The following MAP2K3 variants were observed in gnomAD, a reference collection of about 807,000 sequenced individuals.
The protein encoded by MAP2K3 is dual specificity mitogen-activated protein kinase kinase 3.
MAP2K3 carries 30 observed loss-of-function variants against 46.4 expected under a neutral mutation model. That is an observed-to-expected ratio of 0.65 (90% CI 0.48 to 0.88). The LOEUF (loss-of-function observed/expected upper bound fraction) is 0.88, where lower values mean the gene tolerates loss of function less well. MAP2K3 is among the 40% of genes least tolerant of loss of function. The probability of loss-of-function intolerance (pLI) is 0.00; values close to 1 mark genes in which losing one functional copy is unlikely to be tolerated. For missense variants in MAP2K3, 380 were observed against 464.5 expected, an observed-to-expected ratio of 0.82 and a Z score of 1.67; for synonymous variants, 189 against 176.3, an observed-to-expected ratio of 1.07 and a Z score of -0.57.
chr17:21,300,962 C>T lies in MAP2K3; in HGVS notation c.368C>T (p.Thr123Ile), dbSNP rs1367510527. 5.6e-6 allele frequency: 9 copies of T among 1,614,048 alleles called. No individual in the cohort carries two copies. In the Admixed American group the frequency reaches 1.2e-4, roughly 21 times the overall value. Residue 123 changes from threonine (T) to isoleucine (I), a missense_variant, in exon 5 of 12, where the codon ACT becomes ATT. Coordinates refer to ENST00000342679, the MANE Select transcript of MAP2K3 (RefSeq NM_145109.3). ...INMRTVDCFY[T>I]VTFYGALFRE... Reference sequence around the variant, plus strand: ...ATGCGCACGGTCGACTGTTTCTACACTGTCACCTTCTACGGGGCACTATTC... The same window carrying T: ...ATGCGCACGGTCGACTGTTTCTACATTGTCACCTTCTACGGGGCACTATTC...
At chr17:21,297,191 G>A (rs3785542) in intron 1 of MAP2K3, among the ~76,000 whole-genome samples, 1 of 150,140 alleles carries the variant, frequency 6.7e-6, no homozygotes. Context: ...GCGTGGCTCT[G>A]AGATGGGGCC....
intron 1 of MAP2K3, among the ~76,000 whole-genome samples, chr17:21,289,186 C>T (rs1373350978): frequency 1.3e-5 from 2 of 152,228 alleles, no homozygotes; most frequent in Admixed American, 1.3e-4. Flanking sequence ...TCTTAACCCA[C>T]TGGTCCCCAA....
At chr17:21,304,640 G>T in intron 8 of MAP2K3, 87 bp downstream of exon 8, 2 of 1,578,704 alleles carry the variant, frequency 1.3e-6, no homozygotes, top group Non-Finnish European at 1.7e-6. Flanking sequence ...CATACCCTCT[G>T]TCCGTAGGGG....
intron 1 of MAP2K3, chr17:21,291,735 C>T (rs766204469): frequency 3.5e-5 from 13 of 375,264 alleles, no homozygotes; most frequent in East Asian, 7.3e-5. Flanking sequence ...TTGGTCTTCA[C>T]GGCTACCCAG....
At chr17:21,303,102 G>A in intron 6 of MAP2K3, 81 bp from the exon 7 acceptor site, 1 of 1,574,350 alleles carries the variant, frequency 6.4e-7, no homozygotes, top group Non-Finnish European at 8.7e-7. Flanking sequence ...GACATGGATG[G>A]GGTCTTACTG....
Position 21,285,233 on chromosome 17 carries a change from A to G in MAP2K3, c.49+264A>G. 8 of 985,032 alleles carry G rather than the reference A, an allele frequency of 8.1e-6. No individual in the cohort carries two copies. In the South Asian group the frequency reaches 1.4e-4, roughly 17 times the overall value. The allele number at this position is 985,032 out of a possible 1,614,324, so 61.0% of individuals were successfully genotyped here. A position where few individuals can be genotyped will look rare whatever the true frequency, so the allele number is the denominator to read the frequency against. On this transcript the variant is annotated intron_variant, in intron 1 of 11. Transcript: ENST00000342679. ...ACTAGGACTTTGTTCTGCTCACCCC[A>G]TCCAAGTCAGGAGCCTCATTCTGAC...
intron 1 of MAP2K3, among the ~76,000 whole-genome samples, chr17:21,296,980 T>C (rs1309545855): frequency 6.6e-6 from 1 of 152,300 alleles, no homozygotes; most frequent in Non-Finnish European, 1.5e-5. Context: ...GGCAGCGGGG[T>C]CCCCGGGGTG....
At chr17:21,307,993 T>C (rs1252570340) in intron 9 of MAP2K3, among the ~76,000 whole-genome samples, 5 of 151,980 alleles carry the variant, frequency 3.3e-5, no homozygotes, top group African/African-American at 9.7e-5. Flanking sequence ...GTAGCTGGGA[T>C]TATAGGCGTG....
At chr17:21,308,933 C>T in intron 9 of MAP2K3, among the ~76,000 whole-genome samples, 1 of 152,296 alleles carries the variant, frequency 6.6e-6, no homozygotes, top group Non-Finnish European at 1.5e-5. Flanking sequence ...TCAAATATTG[C>T]ATAGCAAACC....
At chr17:21,300,103 C>T (rs542928456) in intron 3 of MAP2K3, among the ~76,000 whole-genome samples, 1 of 152,430 alleles carries the variant, frequency 6.6e-6, no homozygotes, top group East Asian at 1.9e-4. Flanking sequence ...TTTTGTGTCC[C>T]TCCCAAGAGA....
chr17:21,296,042 A>G (rs982914611), intron 1 of MAP2K3: 4 of 1,287,836 alleles, frequency 3.1e-6, no homozygotes, highest in South Asian at 1.2e-5. Flanking sequence ...AAAGCTACCT[A>G]TAATTCTCAT....
Position 21,284,773 on chromosome 17 carries a change from GC to G in MAP2K3, c.-146del. On this transcript the variant is annotated 5_prime_UTR_variant, in exon 1 of 12. Transcript: ENST00000342679. The stretch of plus-strand genomic sequence containing the variant: ...TGCTGCAGTCGCCGCCGCAGTCCTC[GC>G]CGCAGTCGCCGCCGCCGCCGCCGCC... The G allele has an allele frequency of 1.2e-6, 1 of 827,920 alleles. No individual in the cohort carries two copies. The allele number at this position is 827,920 out of a possible 1,614,324, so 51.3% of individuals were successfully genotyped here. A position where few individuals can be genotyped will look rare whatever the true frequency, so the allele number is the denominator to read the frequency against.
intron 9 of MAP2K3, among the ~76,000 whole-genome samples, chr17:21,309,222 A>G (rs1204122418): frequency 1.3e-5 from 2 of 152,312 alleles, no homozygotes; most frequent in Non-Finnish European, 2.9e-5. Flanking sequence ...TGGCATCTAA[A>G]AGGAAGTTCT....
At chr17:21,292,038 G>A (rs1186906774) in intron 1 of MAP2K3, among the ~76,000 whole-genome samples, 2 of 152,312 alleles carry the variant, frequency 1.3e-5, no homozygotes, top group African/African-American at 2.4e-5. Flanking sequence ...CAGGAGCTGG[G>A]ACCCAGGCTG....
chr17:21,292,862 C>T (rs575560069), intron 1 of MAP2K3, among the ~76,000 whole-genome samples: 41 of 152,404 alleles, frequency 2.7e-4, no homozygotes, highest in South Asian at 2.5e-3. Flanking sequence ...GGCCACTCCT[C>T]GCATCCTGCT....
intron 5 of MAP2K3, 83 bp from the exon 6 acceptor site, chr17:21,302,060 G>A: frequency 1.5e-6 from 2 of 1,371,502 alleles, no homozygotes; most frequent in Non-Finnish European, 2.1e-6. Flanking sequence ...GCTGGGGCTG[G>A]GGCTGGTGCT....
chr17:21,287,630 A>C (rs1248550646), intron 1 of MAP2K3, among the ~76,000 whole-genome samples: 1 of 152,100 alleles, frequency 6.6e-6, no homozygotes, highest in African/African-American at 2.4e-5. Context: ...CCTTGCCCAC[A>C]TGGCCATCTC....
chr17:21,288,050 GC>G (rs1975772903), intron 1 of MAP2K3: 6 of 1,289,218 alleles, frequency 4.7e-6, no homozygotes, highest in Non-Finnish European at 5.1e-6. Flanking sequence ...TTCTCAGTTG[GC>G]CCGTGTGAGG....
At chr17:21,294,525 C>T (rs1976130908) in intron 1 of MAP2K3, among the ~76,000 whole-genome samples, 1 of 152,306 alleles carries the variant, frequency 6.6e-6, no homozygotes, top group Non-Finnish European at 1.5e-5. Context: ...GGGGCCCTGC[C>T]CTCAGGCTGT....
Sources: allele counts gnomAD v4.1 joint callset (sites outside exome capture counted in the v4.1 genomes callset), GRCh38; gene constraint gnomAD v4.1.1; transcripts MANE v1.5; gene names NCBI Gene and HGNC (gene_info 2026-07-23, HGNC 2026-07-21).